RAPGEF6: variants seen among roughly 807,000 people sequenced by gnomAD.
RAPGEF6 encodes Rap guanine nucleotide exchange factor 6.
A neutral mutation model predicts 171.4 loss-of-function variants in RAPGEF6; 56 were observed. The ratio of observed to expected loss-of-function variants is 0.33; its 90% CI spans 0.26 to 0.41. The LOEUF is 0.41. RAPGEF6 is among the 10% of genes least tolerant of loss of function. The pLI is 1.00. For missense variants in RAPGEF6, 1,674 were observed against 1,921.4 expected, an observed-to-expected ratio of 0.87 and a Z score of 2.41; for synonymous variants, 692 against 650.1, an observed-to-expected ratio of 1.06 and a Z score of -0.98.
At chr5:131,577,590 C>G (rs908948118) in intron 4 of RAPGEF6, among the ~76,000 whole-genome samples, 3 of 152,114 alleles carry the variant, frequency 2.0e-5, no homozygotes, top group African/African-American at 7.2e-5. Context: ...TGAAGACACC[C>G]TAGCTGGATG....
intron 6 of RAPGEF6, among the ~76,000 whole-genome samples, chr5:131,525,127 C>T (rs989536375): frequency 2.3e-4 from 35 of 152,082 alleles, no homozygotes; most frequent in African/African-American, 3.4e-4. Flanking sequence ...GCAAAATACA[C>T]GAAAACAGAA....
At chr5:131,446,004 T>A (rs766672051) in intron 22 of RAPGEF6, among the ~76,000 whole-genome samples, 1 of 152,214 alleles carries the variant, frequency 6.6e-6, no homozygotes, top group Non-Finnish European at 1.5e-5. Context: ...ATCTTTTCCA[T>A]CACATTTTCT....
chr5:131,482,288 G>GTA, intron 15 of RAPGEF6, among the ~76,000 whole-genome samples: 1 of 151,940 alleles, frequency 6.6e-6, no homozygotes, highest in South Asian at 2.1e-4. Context: ...GTGTGTGTGT[G>GTA]TATACATGTA....
intron 4 of RAPGEF6, among the ~76,000 whole-genome samples, chr5:131,583,986 A>C (rs1219650349): frequency 1.3e-5 from 2 of 152,202 alleles, no homozygotes; most frequent in Non-Finnish European, 2.9e-5. Context: ...CATGTAAACT[A>C]ATCTACATTG....
intron 20 of RAPGEF6, among the ~76,000 whole-genome samples, chr5:131,453,748 A>T (rs1561476881): frequency 6.6e-6 from 1 of 152,228 alleles, no homozygotes. Context: ...CCCTGAAGGC[A>T]AGACTGAGGA....
At position 131,489,616 on chromosome 5, in the gene RAPGEF6, T is replaced by A. The variant is rs1756147946; in HGVS notation, c.1770A>T (p.Thr590=). 6.3e-7 allele frequency: 1 copy of A among 1,595,216 alleles called. No individual in the cohort carries two copies. The highest frequency in any genetic ancestry group is 1.1e-5 in the South Asian group (1 of 88,002). ...EVNGQNFENI[T]FMKAVEILRN... ...TCAAAATTTCAACGGCTTTCATAAA[T>A]GTAATATTCTCAAAGTTTTGTCCAT... The change falls in exon 15 of 28, where the codon ACA becomes ACT. Residue 590 remains threonine, a synonymous_variant. Transcript: ENST00000509018.
chr5:131,566,383 A>C (rs1228028189), intron 4 of RAPGEF6, among the ~76,000 whole-genome samples: 1 of 152,148 alleles, frequency 6.6e-6, no homozygotes, highest in Admixed American at 6.5e-5. Context: ...ATACTGTGTT[A>C]ACTGACTTAC....
Sources: allele counts gnomAD v4.1 joint callset (sites outside exome capture counted in the v4.1 genomes callset), GRCh38; gene constraint gnomAD v4.1.1; transcripts MANE v1.5; gene names NCBI Gene and HGNC (gene_info 2026-07-23, HGNC 2026-07-21).